The following XIRP2 variants were observed in gnomAD, a reference collection of about 807,000 sequenced individuals.
The protein encoded by XIRP2 is xin actin-binding repeat-containing protein 2.
In XIRP2, 236 loss-of-function variants were observed where a neutral mutation model predicts 277.0. That is an observed-to-expected ratio of 0.85 (90% CI 0.77 to 0.95). XIRP2 has a LOEUF of 0.95. Ranked by LOEUF, XIRP2 falls within the 40% of genes least tolerant of loss-of-function variation. The pLI is 0.00. For synonymous variants in XIRP2, 1,490 were observed against 1,416.5 expected (o/e 1.05, Z -1.17); for missense variants, 4,640 against 4,157.5 (o/e 1.12, Z -3.19).
chr2:167,233,769 C>G (rs941783206), intron 5 of XIRP2, among the ~76,000 whole-genome samples: 2 of 151,320 alleles, frequency 1.3e-5, no homozygotes, highest in Admixed American at 1.3e-4. Flanking sequence ...TAAGTTTCAG[C>G]CTTTTGTTGG....
At chr2:167,001,264 G>A (rs775365498) in intron 2 of XIRP2, among the ~76,000 whole-genome samples, 4 of 151,920 alleles carry the variant, frequency 2.6e-5, no homozygotes, top group East Asian at 3.9e-4. Context: ...ATCCGCCTAC[G>A]TAATAGCCTA....
At chr2:167,133,806 G>A (rs1238459673) in intron 2 of XIRP2, among the ~76,000 whole-genome samples, 4 of 152,126 alleles carry the variant, frequency 2.6e-5, no homozygotes, top group African/African-American at 9.7e-5. Context: ...ACAGTGGAGA[G>A]GACACCAGAA....
rs1330261825 is a variant in XIRP2 at position 167,245,257 on chromosome 2, G to A, written c.3865G>A (p.Glu1289Lys). 2 of 1,613,564 alleles carry A rather than the reference G, an allele frequency of 1.2e-6. No homozygotes were observed. The highest frequency in any genetic ancestry group is 1.3e-5 in the African/African-American group (1 of 75,002). The change falls in exon 9 of 11, where the codon GAA (glutamate) becomes AAA (lysine). Residue 1289 changes from glutamate (E) to lysine (K), a missense_variant. Physicochemically the swap from Glu to Lys is moderately conservative, Grantham distance 56. Coordinates refer to ENST00000409195, the MANE Select transcript of XIRP2 (RefSeq NM_152381.6). ...GACTTTTTCTTTAGATGAGATTAAA[G>A]AAGAATCTGACTATATCAGCACCAA... ...FETFSLDEIK[E>K]ESDYISTKKT...
intron 3 of XIRP2, among the ~76,000 whole-genome samples, chr2:167,201,256 A>AAGAGAGGG (rs1326695017): frequency 9.9e-6 from 1 of 101,188 alleles, no homozygotes; most frequent in Non-Finnish European, 2.1e-5. Context: ...GAAAGAAAGA[A>AAGAGAGGG]AGAAAGAGAG....
chr2:167,247,672 A>G lies in XIRP2; in HGVS notation c.6280A>G (p.Thr2094Ala). ...AACTGTGTCAGTTAAGAATAATCTA[A>G]CAACTAAAGAATCAGACAGGGCAGT... ...TSTVSVKNNL[T>A]TKESDRAVRE... Residue 2094 changes from threonine to alanine, a missense_variant, in exon 9 of 11, where the codon ACA becomes GCA. Coordinates refer to ENST00000409195, the MANE Select transcript of XIRP2 (RefSeq NM_152381.6). 1 of 1,613,672 alleles carries G rather than the reference A, an allele frequency of 6.2e-7. No individual in the cohort carries two copies. Among genetic ancestry groups the G allele is most frequent in the Non-Finnish European group, 8.5e-7 (1 of 1,179,754 alleles).
At chr2:167,190,956 C>A (rs1365806813) in intron 3 of XIRP2, among the ~76,000 whole-genome samples, 1 of 152,008 alleles carries the variant, frequency 6.6e-6, no homozygotes, top group Non-Finnish European at 1.5e-5. Flanking sequence ...AACCCCAGCA[C>A]TTTGGAAGGC....
chr2:166,905,499 T>A (rs924857315), intron 2 of XIRP2, among the ~76,000 whole-genome samples: 4 of 152,036 alleles, frequency 2.6e-5, no homozygotes, highest in Non-Finnish European at 5.9e-5. Context: ...CTAGTAACTA[T>A]AAAAATAATT....
At chr2:166,995,289 C>A (rs1006223018) in intron 2 of XIRP2, among the ~76,000 whole-genome samples, 1 of 152,118 alleles carries the variant, frequency 6.6e-6, no homozygotes, top group Admixed American at 6.5e-5. Context: ...TGCTTTGTTG[C>A]GTGGCTGAGC....
At chr2:166,956,884 A>T (rs1331125967) in intron 2 of XIRP2, among the ~76,000 whole-genome samples, 1 of 151,888 alleles carries the variant, frequency 6.6e-6, no homozygotes, top group Non-Finnish European at 1.5e-5. Context: ...GCTTCACAGC[A>T]GTCTAGCAAA....
intron 2 of XIRP2, among the ~76,000 whole-genome samples, chr2:167,126,591 T>G (rs1691213845): frequency 6.6e-6 from 1 of 152,136 alleles, no homozygotes; most frequent in Admixed American, 6.6e-5. Flanking sequence ...CCAAAGTAAC[T>G]TCTATTAAAT....
intron 3 of XIRP2, among the ~76,000 whole-genome samples, chr2:167,150,615 A>T (rs1691989328): frequency 6.6e-6 from 1 of 152,022 alleles, no homozygotes; most frequent in Admixed American, 6.6e-5. Context: ...GAAGTGTCTG[A>T]GATGTATTGA....
At chr2:167,025,606 T>C (rs201849639) in intron 2 of XIRP2, among the ~76,000 whole-genome samples, 8,011 of 150,624 alleles carry the variant, frequency 0.053, 582 homozygotes, top group East Asian at 0.37. Flanking sequence ...CTATAAATTT[T>C]CCTCTACACA....
chr2:167,229,502 T>C (rs1176409712), intron 5 of XIRP2, among the ~76,000 whole-genome samples: 2 of 152,150 alleles, frequency 1.3e-5, no homozygotes, highest in Non-Finnish European at 2.9e-5. Context: ...TAGAACTTAG[T>C]GAAATCTGCA....
chr2:167,003,299 T>C (rs907675822), intron 2 of XIRP2, among the ~76,000 whole-genome samples: 5 of 151,628 alleles, frequency 3.3e-5, no homozygotes, highest in African/African-American at 7.3e-5. Flanking sequence ...GATAGAAATA[T>C]AAAAACCTAA....
rs1304012828 is a variant in XIRP2 at position 166,982,198 on chromosome 2, TAA to T, written c.408+78310_408+78311del. Reference sequence around the variant, plus strand: ...CTTTTTAAATCTCCATTATTTCTGATAAAGAGATATTCATAACTTCAATTGTT... The same window carrying T: ...CTTTTTAAATCTCCATTATTTCTGATAGAGATATTCATAACTTCAATTGTT... On this transcript the variant is annotated intron_variant, in intron 2 of 10. Transcript: ENST00000409195. Among the ~76,000 whole-genome samples the T allele has an allele frequency of 4.6e-5, 7 of 152,058 alleles. No homozygotes were observed. In the East Asian group the frequency reaches 1.3e-3, roughly 29 times the overall value.
At chr2:167,112,682 C>T (rs1690793135) in intron 2 of XIRP2, among the ~76,000 whole-genome samples, 2 of 151,326 alleles carry the variant, frequency 1.3e-5, no homozygotes, top group Non-Finnish European at 2.9e-5. Flanking sequence ...AACAGAGTTT[C>T]ACTCTGTTGC....
chr2:166,922,705 G>A (rs746273313), intron 2 of XIRP2, among the ~76,000 whole-genome samples: 3 of 150,508 alleles, frequency 2.0e-5, no homozygotes, highest in Non-Finnish European at 4.4e-5. Context: ...GCAGCAAGCC[G>A]AGATCACACC....
chr2:167,149,140 C>T (rs897599534), intron 3 of XIRP2, among the ~76,000 whole-genome samples: 5 of 152,086 alleles, frequency 3.3e-5, no homozygotes, highest in Non-Finnish European at 5.9e-5. Context: ...CCAGGAATTC[C>T]TAACTCAAGA....
chr2:167,132,511 TACACACACACAC>T (rs35636231), intron 2 of XIRP2, among the ~76,000 whole-genome samples: 5,476 of 146,314 alleles, frequency 0.037, 97 homozygotes, highest in Middle Eastern at 0.08. Flanking sequence ...TGCATGTGTA[TACACACACACAC>T]ACACACACAC....
Sources: gnomAD v4.1 joint callset for allele counts (sites outside exome capture counted in the v4.1 genomes callset) on GRCh38, gnomAD v4.1.1 for gene constraint, MANE v1.5 for transcripts, NCBI Gene and HGNC (gene_info 2026-07-23, HGNC 2026-07-21) for gene names.